The following MOK variants were observed in gnomAD, a reference collection of about 807,000 sequenced individuals.
MOK encodes the protein MOK protein kinase.
A neutral mutation model predicts 54.2 loss-of-function variants in MOK; 59 were observed. The observed-to-expected ratio is 1.09, with a 90% CI of 0.88 to 1.35. The LOEUF is 1.35. MOK is among the 40% of genes most tolerant of loss of function. The pLI, the probability that MOK is intolerant of heterozygous loss-of-function variation, is 0.00. For missense variants in MOK, 517 were observed against 526.2 expected, an observed-to-expected ratio of 0.98 and a Z score of 0.17; for synonymous variants, 210 against 202.7, an observed-to-expected ratio of 1.04 and a Z score of -0.31.
chr14:102,279,802 A>G (rs2069226292), intron 2 of MOK, among the ~76,000 whole-genome samples: 1 of 152,164 alleles, frequency 6.6e-6, no homozygotes, highest in South Asian at 2.1e-4. Flanking sequence ...TCCCTGCCAC[A>G]GTACTAATCC....
intron 3 of MOK, 31 bp downstream of exon 3, chr14:102,265,792 A>G: frequency 6.5e-7 from 1 of 1,526,858 alleles, no homozygotes; most frequent in African/African-American, 1.4e-5. Context: ...CATCAAATTT[A>G]GATAACTTTT....
At chr14:102,252,433 C>G (rs1329158630) in intron 4 of MOK, among the ~76,000 whole-genome samples, 1 of 150,494 alleles carries the variant, frequency 6.6e-6, no homozygotes, top group African/African-American at 2.4e-5. Context: ...CCAGCCTGGG[C>G]AACAGGAGCA....
downstream of MOK, among the ~76,000 whole-genome samples, chr14:102,224,073 C>A (rs555820442): frequency 2.1e-5 from 3 of 145,390 alleles, no homozygotes; most frequent in East Asian, 2.0e-4. Context: ...ATGGAGTCTC[C>A]CTCTGTTGTC....
At chr14:102,253,207 C>A (rs537533703) in intron 4 of MOK, among the ~76,000 whole-genome samples, 1 of 152,248 alleles carries the variant, frequency 6.6e-6, no homozygotes, top group South Asian at 2.1e-4. Context: ...GTAATTGTAC[C>A]TACTAATGGG....
intron 1 of MOK, among the ~76,000 whole-genome samples, chr14:102,301,325 A>T (rs529605102): frequency 6.6e-6 from 1 of 152,218 alleles, no homozygotes; most frequent in African/African-American, 2.4e-5. Flanking sequence ...TGAAGCTGCC[A>T]TGCCCACCCG....
chr14:102,233,885 G>T, intron 7 of MOK, 96 bp from the exon 8 acceptor site: 1 of 875,214 alleles, frequency 1.1e-6, no homozygotes, highest in Non-Finnish European at 1.9e-6. Flanking sequence ...GGGAGATCGT[G>T]GGAAGCATAA....
intron 2 of MOK, chr14:102,280,647 C>T (rs2069318359): frequency 2.0e-5 from 3 of 152,184 alleles, no homozygotes; most frequent in Admixed American, 1.3e-4. Flanking sequence ...ATGTGTCCCA[C>T]CTTGTTAGCT....
At chr14:102,283,397 A>C (rs1429756922) in intron 2 of MOK, 81 bp downstream of exon 2, 13 of 813,482 alleles carry the variant, frequency 1.6e-5, no homozygotes, top group Non-Finnish European at 2.0e-6. Context: ...AAATTAATAA[A>C]GCTCCCCCCT....
downstream of MOK, chr14:102,226,101 C>T (rs1420678295): frequency 3.5e-6 from 2 of 568,306 alleles, no homozygotes; most frequent in Non-Finnish European, 6.3e-6. This position sits in a 1 kb window ranked among gnomAD's most constrained non-coding sequence, Gnocchi z 4.8. Context: ...GCACTGCTGC[C>T]GCCTGTCACA....
At chr14:102,252,572 A>C (rs1336855631) in intron 4 of MOK, among the ~76,000 whole-genome samples, 1 of 152,156 alleles carries the variant, frequency 6.6e-6, no homozygotes, top group Non-Finnish European at 1.5e-5. Context: ...CTTCTTTTAC[A>C]TCCTCAACTA....
At chr14:102,273,134 C>T (rs2068528577) in intron 2 of MOK, among the ~76,000 whole-genome samples, 1 of 151,868 alleles carries the variant, frequency 6.6e-6, no homozygotes. Context: ...CGCGCCACTG[C>T]ACTCCAGCAT....
At chr14:102,304,582 C>T (rs1468499183) in intron 1 of MOK, among the ~76,000 whole-genome samples, 1 of 152,128 alleles carries the variant, frequency 6.6e-6, no homozygotes, top group African/African-American at 2.4e-5. Context: ...CGTTTTCTGC[C>T]GAATGTTCAG....
intron 2 of MOK, among the ~76,000 whole-genome samples, chr14:102,282,822 C>T (rs979232646): frequency 1.3e-5 from 2 of 151,874 alleles, no homozygotes; most frequent in East Asian, 3.9e-4. Context: ...AAGGCCAAGG[C>T]GGGCGGATCA....
chr14:102,220,221 ACACT>A (rs1356966805), downstream of MOK, among the ~76,000 whole-genome samples: 1 of 152,124 alleles, frequency 6.6e-6, no homozygotes, highest in Non-Finnish European at 1.5e-5. This position sits in a 1 kb window ranked among gnomAD's most constrained non-coding sequence, Gnocchi z 4.2. Context: ...CTGGGGCCTC[ACACT>A]CAGTGAGAGG....
chr14:102,232,784 G>A lies in MOK; in HGVS notation c.693-76C>T. On this transcript the variant is annotated intron_variant, in intron 8 of 11. Coordinates refer to ENST00000361847, the MANE Select transcript of MOK (RefSeq NM_014226.3). This position sits in a 1 kb window ranked among gnomAD's most constrained non-coding sequence, Gnocchi z 5.1. ...CCGGTGGTCCACTGTCACAACTAAG[G>A]GCCCTGTGTGGTGGGGAATGGTTTA... is the stretch of plus-strand genomic sequence containing the variant. The A allele has an allele frequency of 7.4e-7, 1 of 1,357,094 alleles. No individual in the cohort carries two copies. The highest frequency in any genetic ancestry group is 1.0e-6 in the Non-Finnish European group (1 of 973,246). The allele number at this position is 1,357,094 out of a possible 1,614,324, so 84.1% of individuals were successfully genotyped here.
the MOK span, chr14:102,214,626 T>C: frequency 1.0e-6 from 1 of 985,168 alleles, no homozygotes; most frequent in Non-Finnish European, 1.2e-6. Flanking sequence ...TTATTAGAGA[T>C]TGTTATGTTA....
intron 2 of MOK, among the ~76,000 whole-genome samples, chr14:102,279,248 T>C (rs981131541): frequency 6.6e-6 from 1 of 152,054 alleles, no homozygotes; most frequent in South Asian, 2.1e-4. Context: ...TCTATTTCTA[T>C]AGGAAAAATA....
At chr14:102,222,698 G>T, downstream of MOK, 3 of 869,596 alleles carry the variant, frequency 3.4e-6, no homozygotes, top group South Asian at 4.3e-5. The surrounding 1 kb of genome is among the most constrained non-coding windows in gnomAD (Gnocchi z 4.4). Flanking sequence ...GAAGTGGAGG[G>T]TTTGCTCCCA....
intron 4 of MOK, among the ~76,000 whole-genome samples, chr14:102,262,468 A>T (rs935799691): frequency 6.6e-6 from 1 of 152,232 alleles, no homozygotes; most frequent in African/African-American, 2.4e-5. Flanking sequence ...TATATACATC[A>T]ACTTTTATGG....
Sources: allele counts gnomAD v4.1 joint callset (sites outside exome capture counted in the v4.1 genomes callset), GRCh38; gene constraint gnomAD v4.1.1; non-coding constraint Gnocchi (gnomAD v3.1); transcripts MANE v1.5; gene names NCBI Gene and HGNC (gene_info 2026-07-23, HGNC 2026-07-21).